Variants in CEP250 observed in about 807,000 individuals in gnomAD.
CEP250 encodes centrosomal protein 250.
In CEP250, 242 loss-of-function variants were observed where a neutral mutation model predicts 315.7. The observed-to-expected ratio is 0.77, with a 90% CI of 0.69 to 0.85. The LOEUF is 0.85. CEP250 is among the 40% of genes least tolerant of loss of function. The probability of loss-of-function intolerance (pLI) is 0.00; values close to 1 mark genes in which losing one functional copy is unlikely to be tolerated. For synonymous variants in CEP250, 1,088 were observed against 1,175.0 expected (o/e 0.93, Z 1.51); for missense variants, 2,515 against 2,886.4 (o/e 0.87, Z 2.95).
At chr20:35,478,820 T>C (rs750487) in intron 17 of CEP250, among the ~76,000 whole-genome samples, 52,198 of 152,084 alleles carry the variant, frequency 0.34, 10,365 homozygotes, top group African/African-American at 0.54. Flanking sequence ...AGTAAATTTT[T>C]TTCCTGAGCC....
chr20:35,478,511 G>A (rs1292961271), intron 17 of CEP250, among the ~76,000 whole-genome samples: 1 of 152,190 alleles, frequency 6.6e-6, no homozygotes. Context: ...GTTGCAGTGA[G>A]CCGAGATTGC....
intron 17 of CEP250, among the ~76,000 whole-genome samples, chr20:35,478,319 C>T (rs1210948133): frequency 6.6e-6 from 1 of 152,172 alleles, no homozygotes. Context: ...GTAATCCCAG[C>T]ACTTTAGGAG....
rs566885292 is a variant in CEP250 at position 35,470,561 on chromosome 20, C to G, written c.948+575C>G. 3.9e-5 allele frequency among the ~76,000 whole-genome samples: 6 copies of G among 152,186 alleles called. No homozygotes were observed. The South Asian group carries it at 1.2e-3, about 32-fold the overall frequency. ...GGTCGGGAGTTTGAGACCGGCCTGA[C>G]CAACATGCAGAAACCCCGTCTCTAC... On this transcript the variant is annotated intron_variant, in intron 10 of 34. Transcript: ENST00000397527.
intron 16 of CEP250, among the ~76,000 whole-genome samples, chr20:35,477,159 C>T (rs1042812140): frequency 1.6e-4 from 24 of 152,004 alleles, no homozygotes; most frequent in Admixed American, 9.8e-4. Flanking sequence ...TACAGGCATG[C>T]ACCACCATGC....
intron 7 of CEP250, among the ~76,000 whole-genome samples, chr20:35,466,715 C>T (rs1457003331): frequency 6.6e-6 from 1 of 152,178 alleles, no homozygotes; most frequent in African/African-American, 2.4e-5. Context: ...ATTTGTTAAG[C>T]AGCTACCGTG....
rs565338752 is a variant in CEP250 at position 35,493,008 on chromosome 20, G to A, written c.2890-421G>A. Among the ~76,000 whole-genome samples the A allele has an allele frequency of 6.2e-4, 94 of 152,234 alleles. 1 individual carries two copies. The highest frequency in any genetic ancestry group is 6.0e-3 in the Admixed American group (92 of 15,280). On this transcript the variant is annotated intron_variant, in intron 22 of 34. Coordinates refer to ENST00000397527, the MANE Select transcript of CEP250 (RefSeq NM_007186.6). ...TTCCCTAAGTGTTGGGATGATAGGCGTGAGCCACCGCGCCTGGGCAGTTGG... is the reference window on the plus strand; with the variant it reads ...TTCCCTAAGTGTTGGGATGATAGGCATGAGCCACCGCGCCTGGGCAGTTGG...
At chr20:35,491,132 A>G in intron 21 of CEP250, 80 bp from the exon 22 acceptor site, 1 of 1,529,254 alleles carries the variant, frequency 6.5e-7, no homozygotes, top group Non-Finnish European at 8.9e-7. Flanking sequence ...GCCCTAGGGC[A>G]GCTGGGATGT....
chr20:35,503,556 G>C lies in CEP250; in HGVS notation c.5187G>C (p.Leu1729=), dbSNP rs774621453. ...AQRGSLEHMK[L]ILRDKEKEVE... Reference sequence around the variant, plus strand: ...GCGGGAGCCTAGAGCACATGAAGCTGATCCTGCGTGATAAGGAGAAGGAGG... The same window carrying C: ...GCGGGAGCCTAGAGCACATGAAGCTCATCCTGCGTGATAAGGAGAAGGAGG... The change falls in exon 30 of 35, where the codon CTG becomes CTC. Residue 1729 remains leucine (L), a synonymous_variant. Transcript: ENST00000397527. The surrounding 1 kb of genome is among the most constrained non-coding windows in gnomAD (Gnocchi z 4.2). 13 of 1,614,036 alleles carry C rather than the reference G, an allele frequency of 8.1e-6. No individual in the cohort carries two copies. The Admixed American group carries it at 1.8e-4, about 23-fold the overall frequency.
chr20:35,494,007 G>A (rs2147075060), intron 23 of CEP250, among the ~76,000 whole-genome samples: 1 of 152,254 alleles, frequency 6.6e-6, no homozygotes, highest in African/African-American at 2.4e-5. Flanking sequence ...GGGGGAGACA[G>A]GATTTCACTA....
chr20:35,479,469 A>G, intron 18 of CEP250, 45 bp downstream of exon 18: 1 of 1,579,310 alleles, frequency 6.3e-7, no homozygotes, highest in Non-Finnish European at 8.6e-7. Context: ...AGAGCTTTGC[A>G]AGGCAAAGGC....
rs548785646 is a variant in CEP250 at position 35,490,268 on chromosome 20, G to A, written c.2587-369G>A. Among the ~76,000 whole-genome samples, 6 of 152,082 alleles carry A rather than the reference G, an allele frequency of 3.9e-5. No individual in the cohort carries two copies. In the South Asian group the frequency reaches 8.3e-4, roughly 21 times the overall value. ...GTGGAGGTTGCAGTGAGCGGAGATC[G>A]TGCCACTGCAGTCCAGCCTGGGTGA... is the stretch of plus-strand genomic sequence containing the variant. On this transcript the variant is annotated intron_variant, in intron 20 of 34. Transcript: ENST00000397527.
chr20:35,504,870 T>A lies in CEP250; in HGVS notation c.6501T>A (p.Ile2167=). Reference sequence around the variant, plus strand: ...TGAGACAGACAGAAGCCAGGGAGATTGAGTGGAGGGAGAAGGCCCAGGACT... The same window carrying A: ...TGAGACAGACAGAAGCCAGGGAGATAGAGTGGAGGGAGAAGGCCCAGGACT... The part of the protein sequence containing the change: ...AALRQTEARE[I]EWREKAQDLA... The change falls in exon 30 of 35, where the codon ATT becomes ATA. Residue 2167 remains isoleucine, a synonymous_variant. Coordinates refer to ENST00000397527, the MANE Select transcript of CEP250 (RefSeq NM_007186.6). 6.2e-7 allele frequency: 1 copy of A among 1,614,050 alleles called. No homozygotes were observed. Among genetic ancestry groups the A allele is most frequent in the Non-Finnish European group, 8.5e-7 (1 of 1,179,992 alleles).
chr20:35,471,279 C>T (rs1325577043), intron 10 of CEP250, among the ~76,000 whole-genome samples: 2 of 152,132 alleles, frequency 1.3e-5, no homozygotes, highest in Non-Finnish European at 2.9e-5. Context: ...CCATGAGGAG[C>T]AATAGGGATT....
chr20:35,477,932 C>G lies in CEP250; in HGVS notation c.1925C>G (p.Ala642Gly), dbSNP rs1238666160. 3 of 1,608,806 alleles carry G rather than the reference C, an allele frequency of 1.9e-6. No homozygotes were observed. Among genetic ancestry groups the G allele is most frequent in the Non-Finnish European group, 2.5e-6 (3 of 1,177,870 alleles). Reference sequence around the variant, plus strand: ...GAGGCCGCAGAGCAGGCGAGAAATGCTTTGCAGGTCGACCTGGCGGAGGCA... The same window carrying G: ...GAGGCCGCAGAGCAGGCGAGAAATGGTTTGCAGGTCGACCTGGCGGAGGCA... ...RMEAAEQARN[A>G]LQVDLAEAEK... Residue 642 changes from alanine (A) to glycine (G), a missense_variant, in exon 17 of 35, where the codon GCT (alanine) becomes GGT (glycine). Coordinates refer to ENST00000397527, the MANE Select transcript of CEP250 (RefSeq NM_007186.6).
chr20:35,477,683 A>C (rs1399378097), intron 16 of CEP250, 188 bp from the exon 17 acceptor site: 1 of 596,894 alleles, frequency 1.7e-6, no homozygotes, highest in African/African-American at 1.9e-5. Flanking sequence ...CCCAGCATCC[A>C]GCCCATCTAG....
chr20:35,463,589 A>G lies in CEP250; in HGVS notation c.201A>G (p.Arg67=), dbSNP rs1286364463. 6.2e-7 allele frequency: 1 copy of G among 1,609,960 alleles called. No individual in the cohort carries two copies. The highest frequency in any genetic ancestry group is 2.2e-5 in the East Asian group (1 of 44,566). ...RKLQAKVLQY[R]SWCQELEKRL... ...TTTTGCTGCAGGTGCTGCAGTACCG[A>G]AGCTGGTGCCAAGAGCTGGAGAAGC... The change falls in exon 5 of 35, where the codon CGA becomes CGG. Residue 67 remains arginine (R), a synonymous_variant. Coordinates refer to ENST00000397527, the MANE Select transcript of CEP250 (RefSeq NM_007186.6).
intron 31 of CEP250, 74 bp downstream of exon 31, chr20:35,507,925 G>A (rs2064237638): frequency 1.3e-6 from 2 of 1,596,840 alleles, no homozygotes; most frequent in Admixed American, 3.4e-5. Flanking sequence ...CCTTCCCTTG[G>A]GAACTGGGTT....
At chr20:35,466,422 G>A (rs2062879469) in intron 7 of CEP250, among the ~76,000 whole-genome samples, 1 of 152,200 alleles carries the variant, frequency 6.6e-6, no homozygotes, top group Admixed American at 6.5e-5. Flanking sequence ...GTTCTGCTGG[G>A]AGGTAGCATG....
upstream of CEP250, chr20:35,455,477 C>G (rs1210555990): frequency 2.0e-5 from 3 of 152,288 alleles, no homozygotes; most frequent in Non-Finnish European, 1.5e-5. Flanking sequence ...GAGAGCTTCC[C>G]GACCCTCGTG....
Sources: gnomAD v4.1 joint callset for allele counts (sites outside exome capture counted in the v4.1 genomes callset) on GRCh38, gnomAD v4.1.1 for gene constraint, Gnocchi (gnomAD v3.1) non-coding constraint, MANE v1.5 for transcripts, NCBI Gene and HGNC (gene_info 2026-07-23, HGNC 2026-07-21) for gene names.